The following DPH5 variants were observed in gnomAD, a reference collection of about 807,000 sequenced individuals.
DPH5 encodes diphthine methyl ester synthase.
In DPH5, 31 loss-of-function variants were observed where a neutral mutation model predicts 31.6. The observed-to-expected ratio is 0.98, with a 90% confidence interval of 0.74 to 1.32. The LOEUF (loss-of-function observed/expected upper bound fraction) is 1.32. Among genes scored for constraint, DPH5 ranks in the 40% most tolerant of loss-of-function variants. The pLI is 0.00. For synonymous variants in DPH5, 120 were observed against 115.0 expected (o/e 1.04, Z -0.28); for missense variants, 309 against 335.7 (o/e 0.92, Z 0.62).
intron 6 of DPH5, among the ~76,000 whole-genome samples, chr1:100,993,559 A>AATATATATATATAT (rs10527775): frequency 0.011 from 616 of 56,320 alleles, 44 homozygotes; most frequent in Non-Finnish European, 0.013. Flanking sequence ...CGAAAATATA[A>AATATATATATATAT]ATATATATAT....
At position 101,004,253 on chromosome 1, in the gene DPH5, C is replaced by A. The variant is rs117653765; in HGVS notation, c.370-2666G>T. 2.6e-3 allele frequency among the ~76,000 whole-genome samples: 398 copies of A among 152,254 alleles called. 11 individuals carry two copies. The East Asian group carries it at 0.051, about 20-fold the overall frequency. ...CAAACAATTTCACCATATGTCAATA[C>A]CTCAAAGAACAAAAGAACCAGTTCT... On this transcript the variant is annotated intron_variant, in intron 4 of 7. Coordinates refer to ENST00000370109, the MANE Select transcript of DPH5 (RefSeq NM_015958.3).
rs928597019 is a variant in DPH5 at position 100,990,171 on chromosome 1, T to C, written c.*237A>G. The C allele has an allele frequency of 6.0e-6, 3 of 497,264 alleles. No homozygotes were observed. Among genetic ancestry groups the C allele is most frequent in the Non-Finnish European group, 1.1e-5 (3 of 277,782 alleles). 30.8% of individuals were successfully genotyped at this position (497,264 alleles called of 1,614,324 possible). A position where few individuals can be genotyped will look rare whatever the true frequency, so the allele number is the denominator to read the frequency against. On this transcript the variant is annotated 3_prime_UTR_variant, in exon 8 of 8. Coordinates refer to ENST00000370109, the MANE Select transcript of DPH5 (RefSeq NM_015958.3). The stretch of plus-strand genomic sequence containing the variant: ...GCACCTCTTCACAGGGCGGCAAGAG[T>C]GAGAATGAGAGCCAGTAGGGGAAAT...
chr1:101,013,948 G>A, intron 3 of DPH5, 130 bp from the exon 4 acceptor site: 2 of 628,020 alleles, frequency 3.2e-6, no homozygotes, highest in Non-Finnish European at 5.3e-6. Context: ...CCACACACCT[G>A]CATAAGGCTT....
chr1:100,992,439 G>T (rs1368270238), intron 7 of DPH5, among the ~76,000 whole-genome samples, 198 bp downstream of exon 7: 1 of 152,080 alleles, frequency 6.6e-6, no homozygotes, highest in Admixed American at 6.5e-5. Context: ...TACTATAAAA[G>T]AATGCCAATT....
At chr1:100,997,770 C>T (rs1446044250) in intron 5 of DPH5, among the ~76,000 whole-genome samples, 1 of 152,166 alleles carries the variant, frequency 6.6e-6, no homozygotes, top group African/African-American at 2.4e-5. Flanking sequence ...TGTTATAAAA[C>T]ATATATTCTA....
chr1:101,009,025 C>A (rs1659447635), intron 4 of DPH5, among the ~76,000 whole-genome samples: 1 of 152,190 alleles, frequency 6.6e-6, no homozygotes, highest in Non-Finnish European at 1.5e-5. Context: ...TTTGGGGACA[C>A]TTCATGTAAA....
At chr1:100,997,616 C>T in intron 5 of DPH5, among the ~76,000 whole-genome samples, 1 of 152,192 alleles carries the variant, frequency 6.6e-6, no homozygotes, top group Non-Finnish European at 1.5e-5. Flanking sequence ...CCACCCGCCT[C>T]AGCCTCCCAA....
chr1:100,993,559 A>AATATATAT (rs10527775), intron 6 of DPH5, among the ~76,000 whole-genome samples: 1,605 of 56,122 alleles, frequency 0.029, 123 homozygotes, highest in South Asian at 0.039. Context: ...CGAAAATATA[A>AATATATAT]ATATATATAT....
intron 4 of DPH5, among the ~76,000 whole-genome samples, chr1:101,004,853 AC>A (rs1659114580): frequency 1.3e-5 from 2 of 152,218 alleles, no homozygotes; most frequent in Non-Finnish European, 2.9e-5. Context: ...GAACAAAGTA[AC>A]AGAGGCGGGA....
intron 5 of DPH5, among the ~76,000 whole-genome samples, chr1:100,999,655 A>G (rs1658690311): frequency 6.6e-6 from 1 of 152,034 alleles, no homozygotes; most frequent in African/African-American, 2.4e-5. Context: ...TTTGGCCAAT[A>G]TGGCGAAACC....
intron 2 of DPH5, among the ~76,000 whole-genome samples, chr1:101,022,365 G>A (rs1660517125): frequency 1.3e-5 from 2 of 152,174 alleles, no homozygotes; most frequent in African/African-American, 4.8e-5. Context: ...TGCAGGAGCA[G>A]TAACTGAATT....
At chr1:101,018,019 A>G (rs974045932) in intron 3 of DPH5, among the ~76,000 whole-genome samples, 2 of 152,096 alleles carry the variant, frequency 1.3e-5, no homozygotes, top group Non-Finnish European at 2.9e-5. Flanking sequence ...ATACACACAA[A>G]CAAATTTACT....
At chr1:101,012,588 C>T (rs570254383) in intron 4 of DPH5, among the ~76,000 whole-genome samples, 1 of 152,280 alleles carries the variant, frequency 6.6e-6, no homozygotes, top group South Asian at 2.1e-4. Flanking sequence ...ATTTGACTTA[C>T]TCCAACACAG....
At chr1:100,999,612 G>A (rs779779130) in intron 5 of DPH5, among the ~76,000 whole-genome samples, 4 of 152,090 alleles carry the variant, frequency 2.6e-5, no homozygotes, top group Non-Finnish European at 5.9e-5. Flanking sequence ...GGGCAGAGGC[G>A]GGCAGATCTT....
intron 7 of DPH5, among the ~76,000 whole-genome samples, chr1:100,991,836 C>T (rs1315957302): frequency 1.3e-5 from 2 of 148,970 alleles, no homozygotes; most frequent in East Asian, 2.0e-4. Context: ...GTGGTTCACA[C>T]CTGTAATCCC....
intron 3 of DPH5, among the ~76,000 whole-genome samples, chr1:101,015,512 T>G (rs927723908): frequency 6.6e-6 from 1 of 152,184 alleles, no homozygotes; most frequent in African/African-American, 2.4e-5. Context: ...ACAGGGAGAA[T>G]AGATTTAGCA....
At chr1:101,024,370 T>C (rs1002225225) in intron 2 of DPH5, among the ~76,000 whole-genome samples, 2 of 151,934 alleles carry the variant, frequency 1.3e-5, no homozygotes, top group Non-Finnish European at 2.9e-5. Flanking sequence ...GATCATACCA[T>C]TGCACCCCAG....
At chr1:101,003,985 C>T (rs1482345063) in intron 4 of DPH5, among the ~76,000 whole-genome samples, 1 of 152,080 alleles carries the variant, frequency 6.6e-6, no homozygotes, top group Admixed American at 6.5e-5. Context: ...CATGGGAATA[C>T]AGTCATGGAA....
In DPH5 at chr1:101,025,404, C is replaced by T. The variant is rs1325346113; in HGVS notation, c.40G>A (p.Asp14Asn). ...LIGLGLGDAK[D>N]ITVKGLEVVR... Reference sequence around the variant, plus strand: ...ACTTCCAGGCCCTTGACTGTGATGTCCTTGGCATCTCCCAGGCCCAACCCG... The same window carrying T: ...ACTTCCAGGCCCTTGACTGTGATGTTCTTGGCATCTCCCAGGCCCAACCCG... Residue 14 changes from aspartate to asparagine, a missense_variant, in exon 2 of 8, where the codon GAC (aspartate) becomes AAC (asparagine). Coordinates refer to ENST00000370109, the MANE Select transcript of DPH5 (RefSeq NM_015958.3). 8.7e-6 allele frequency: 14 copies of T among 1,614,100 alleles called. No individual in the cohort carries two copies. Among genetic ancestry groups the T allele is most frequent in the Non-Finnish European group, 1.1e-5 (13 of 1,180,038 alleles).
Sources: gnomAD v4.1 joint callset for allele counts (sites outside exome capture counted in the v4.1 genomes callset) on GRCh38, gnomAD v4.1.1 for gene constraint, MANE v1.5 for transcripts, NCBI Gene and HGNC (gene_info 2026-07-23, HGNC 2026-07-21) for gene names.